The following PAK5 variants were observed in gnomAD, a reference collection of about 807,000 sequenced individuals.
PAK5 encodes the protein serine/threonine-protein kinase PAK 5.
Under a neutral mutation model 65.9 loss-of-function variants are expected in PAK5, and 16 were observed. The observed-to-expected ratio is 0.24, with a 90% CI of 0.16 to 0.37. The LOEUF (loss-of-function observed/expected upper bound fraction) is 0.37, where lower values mean the gene tolerates loss of function less well. Ranked by LOEUF, PAK5 falls within the 10% of genes least tolerant of loss-of-function variation. The pLI, the probability that PAK5 is intolerant of heterozygous loss-of-function variation, is 1.00. For missense variants in PAK5, 785 were observed against 903.9 expected, an observed-to-expected ratio of 0.87 and a Z score of 1.69; for synonymous variants, 371 against 354.9, an observed-to-expected ratio of 1.05 and a Z score of -0.51.
At chr20:9,748,494 A>G (rs1359481215) in intron 1 of PAK5, among the ~76,000 whole-genome samples, 2 of 152,196 alleles carry the variant, frequency 1.3e-5, no homozygotes, top group Non-Finnish European at 2.9e-5. Flanking sequence ...ACAGAGATAT[A>G]GATCAATGGA....
chr20:9,629,904 G>T (rs1381724105), intron 3 of PAK5, among the ~76,000 whole-genome samples: 1 of 152,174 alleles, frequency 6.6e-6, no homozygotes, highest in Non-Finnish European at 1.5e-5. Context: ...TGGACATTGA[G>T]GATGCTGATG....
chr20:9,706,626 A>T (rs1240751061), intron 2 of PAK5, among the ~76,000 whole-genome samples: 1 of 150,768 alleles, frequency 6.6e-6, no homozygotes, highest in Non-Finnish European at 1.5e-5. Context: ...CCACAGGTGC[A>T]TGCCACCATT....
At chr20:9,805,719 G>T (rs374074480) in intron 1 of PAK5, among the ~76,000 whole-genome samples, 1 of 152,136 alleles carries the variant, frequency 6.6e-6, no homozygotes, top group African/African-American at 2.4e-5. Context: ...ATTAGTTTTT[G>T]CAGGGGCCTG....
At chr20:9,713,963 T>C (rs766216598) in intron 1 of PAK5, among the ~76,000 whole-genome samples, 4 of 152,080 alleles carry the variant, frequency 2.6e-5, no homozygotes, top group Non-Finnish European at 5.9e-5. Flanking sequence ...AAAATTACAC[T>C]TAACCGTAAT....
intron 1 of PAK5, among the ~76,000 whole-genome samples, chr20:9,737,883 C>T (rs2048407461): frequency 6.6e-6 from 1 of 152,052 alleles, no homozygotes; most frequent in Non-Finnish European, 1.5e-5. Flanking sequence ...TGGCTCATGC[C>T]TATAATCCCA....
rs55829101 is a variant in PAK5 at position 9,566,061 on chromosome 20, C to A, written c.1314G>T (p.Leu438=). ...SHEQFRAALQ[L]VVSPGDPREY... The stretch of plus-strand genomic sequence containing the variant: ...CCCTGGGGTCTCCTGGGCTGACCAC[C>A]AGCTGCAGGGCCGCCCGAAACTGTT... Residue 438 remains leucine (L), a synonymous_variant, in exon 5 of 10, where the codon CTG becomes CTT. Coordinates refer to ENST00000353224, the MANE Select transcript of PAK5 (RefSeq NM_177990.4). The A allele has an allele frequency of 1.2e-4, 201 of 1,613,864 alleles. No individual in the cohort carries two copies. The highest frequency in any genetic ancestry group is 7.9e-5 in the Non-Finnish European group (93 of 1,180,010).
chr20:9,711,598 T>C (rs965016322), intron 1 of PAK5, among the ~76,000 whole-genome samples, 163 bp from the exon 2 acceptor site: 3 of 152,194 alleles, frequency 2.0e-5, no homozygotes, highest in Non-Finnish European at 4.4e-5. Flanking sequence ...ATCTGTATAT[T>C]ATTACCAGGA....
chr20:9,558,717 C>G (rs993070768), intron 6 of PAK5, among the ~76,000 whole-genome samples: 3 of 152,116 alleles, frequency 2.0e-5, no homozygotes, highest in Admixed American at 6.5e-5. Context: ...CGCTTCAGGT[C>G]CCTTCTCTCA....
intron 1 of PAK5, among the ~76,000 whole-genome samples, chr20:9,734,589 G>A (rs973285000): frequency 7.8e-5 from 5 of 64,488 alleles, no homozygotes; most frequent in African/African-American, 2.2e-4. Context: ...CACAGGCCAC[G>A]GGGTGGGAGT....
intron 3 of PAK5, among the ~76,000 whole-genome samples, chr20:9,626,769 T>C (rs1311662672): frequency 2.0e-5 from 3 of 152,022 alleles, no homozygotes; most frequent in Non-Finnish European, 2.9e-5. Context: ...ATGGAATGGC[T>C]TTTATTTTTA....
Position 9,580,675 on chromosome 20 carries a change from C to T in PAK5, c.460G>A (p.Asp154Asn), listed in dbSNP as rs765076799. The change falls in exon 4 of 10, where the codon GAT becomes AAT. Residue 154 changes from aspartate (D) to asparagine (N), a missense_variant. Asp to Asn is a conservative substitution (Grantham distance 23). Coordinates refer to ENST00000353224, the MANE Select transcript of PAK5 (RefSeq NM_177990.4). ...CCTCTATAATACGGATCCAGATCAT[C>T]TCCATAGAGACTCTTCTCCCTGTAC... The part of the protein sequence containing the change: ...EKYREKSLYG[D>N]DLDPYYRGSH... 1.4e-5 allele frequency: 22 copies of T among 1,613,948 alleles called. No homozygotes were observed. The Admixed American group carries it at 3.5e-4, about 26-fold the overall frequency.
At chr20:9,597,201 T>C (rs995843437) in intron 3 of PAK5, among the ~76,000 whole-genome samples, 1 of 152,232 alleles carries the variant, frequency 6.6e-6, no homozygotes, top group African/African-American at 2.4e-5. Flanking sequence ...TTATCTGTAC[T>C]GAGAGGGTTT....
chr20:9,769,083 C>A (rs2048804618), intron 1 of PAK5, among the ~76,000 whole-genome samples: 1 of 152,174 alleles, frequency 6.6e-6, no homozygotes, highest in Non-Finnish European at 1.5e-5. Flanking sequence ...ATCCCTTTAA[C>A]ACAGTGAGAA....
At chr20:9,655,789 C>A (rs746813797) in intron 2 of PAK5, among the ~76,000 whole-genome samples, 4 of 152,090 alleles carry the variant, frequency 2.6e-5, no homozygotes, top group Non-Finnish European at 5.9e-5. Flanking sequence ...ATTTTATTCT[C>A]ACTTCTGGAG....
chr20:9,812,436 A>G (rs1288826575), intron 1 of PAK5, among the ~76,000 whole-genome samples: 1 of 152,190 alleles, frequency 6.6e-6, no homozygotes, highest in African/African-American at 2.4e-5. Context: ...ATGAGATATC[A>G]CCACTCCTAT....
intron 6 of PAK5, among the ~76,000 whole-genome samples, chr20:9,559,171 T>C (rs895886212): frequency 6.6e-6 from 1 of 152,128 alleles, no homozygotes; most frequent in Non-Finnish European, 1.5e-5. Context: ...CTCATCTATG[T>C]GCAAAACTTC....
chr20:9,550,025 A>T (rs2045402115), intron 7 of PAK5, among the ~76,000 whole-genome samples: 1 of 152,148 alleles, frequency 6.6e-6, no homozygotes, highest in South Asian at 2.1e-4. Flanking sequence ...AAATTGATTG[A>T]CACCTGTCTC....
intron 2 of PAK5, among the ~76,000 whole-genome samples, chr20:9,671,276 T>G (rs1233389933): frequency 1.3e-5 from 2 of 152,238 alleles, no homozygotes; most frequent in African/African-American, 4.8e-5. Flanking sequence ...TCATTCCATA[T>G]GAACTTTAAA....
chr20:9,609,908 G>T (rs1426274335), intron 3 of PAK5, among the ~76,000 whole-genome samples: 2 of 152,156 alleles, frequency 1.3e-5, no homozygotes, highest in African/African-American at 4.8e-5. Flanking sequence ...TCCATTCTAT[G>T]GAAGGTCTGT....
Sources: gnomAD v4.1 joint callset for allele counts (sites outside exome capture counted in the v4.1 genomes callset) on GRCh38, gnomAD v4.1.1 for gene constraint, MANE v1.5 for transcripts, NCBI Gene and HGNC (gene_info 2026-07-23, HGNC 2026-07-21) for gene names.